TLDC2: variants seen among roughly 807,000 people sequenced by gnomAD.
TLDC2 encodes TBC/LysM-associated domain containing 2.
In TLDC2, 23 loss-of-function variants were observed where a neutral mutation model predicts 27.9. The ratio of observed to expected loss-of-function variants is 0.82; its 90% CI spans 0.59 to 1.17. TLDC2 has a LOEUF of 1.17. Among genes scored for constraint, TLDC2 ranks in the 50% most tolerant of loss-of-function variants. The pLI is 0.00. For missense variants in TLDC2, 286 were observed against 273.4 expected (o/e 1.05, Z -0.32); for synonymous variants, 124 against 107.4 (o/e 1.16, Z -0.96).
At chr20:36,877,242 A>G (rs1353490224) in intron 1 of TLDC2, among the ~76,000 whole-genome samples, 1 of 151,994 alleles carries the variant, frequency 6.6e-6, no homozygotes, top group African/African-American at 2.4e-5. Context: ...TTAGCCAGGC[A>G]TGGTGGTGGG....
chr20:36,876,262 T>A, intron 1 of TLDC2, 55 bp downstream of exon 1: 2 of 1,594,836 alleles, frequency 1.3e-6, no homozygotes, highest in Non-Finnish European at 1.7e-6. Flanking sequence ...GGAGGTGAGG[T>A]CTCTGGCAGG....
intron 2 of TLDC2, 126 bp from the exon 3 acceptor site, chr20:36,878,915 C>G (rs1319753141): frequency 1.4e-6 from 2 of 1,411,912 alleles, no homozygotes; most frequent in African/African-American, 1.4e-5. Flanking sequence ...TCCCTAGAAA[C>G]AGCAAACTGC....
chr20:36,879,262 A>G (rs997859919), intron 3 of TLDC2, 69 bp downstream of exon 3: 1 of 1,526,068 alleles, frequency 6.6e-7, no homozygotes, highest in Non-Finnish European at 8.8e-7. Flanking sequence ...GCCCTGTCCC[A>G]GGGCAGCTCA....
chr20:36,891,931 G>A (rs1052500632), intron 6 of TLDC2: 4 of 152,422 alleles, frequency 2.6e-5, no homozygotes, highest in African/African-American at 7.2e-5. Context: ...TGAGGATGAT[G>A]CCTGTGATGG....
chr20:36,893,940 G>C lies in TLDC2; in HGVS notation c.*1096G>C. 1 of 398,638 alleles carries C rather than the reference G, an allele frequency of 2.5e-6. No individual in the cohort carries two copies. The highest frequency in any genetic ancestry group is 4.4e-6 in the Non-Finnish European group (1 of 226,094). The allele number at this position is 398,638 out of a possible 1,614,324, so 24.7% of individuals were successfully genotyped here. On this transcript the variant is annotated 3_prime_UTR_variant, in exon 7 of 7. Transcript: ENST00000217320. ...GGCTCTGGTGGGAGACTGGAGGTGA[G>C]AAGAGGGCAGAGAAGTCAGGTTTTT...
At chr20:36,876,273 G>A (rs921183114) in intron 1 of TLDC2, 66 bp downstream of exon 1, 1 of 1,606,388 alleles carries the variant, frequency 6.2e-7, no homozygotes, top group Non-Finnish European at 8.5e-7. Flanking sequence ...CTCTGGCAGG[G>A]TGGGGCCTGG....
intron 1 of TLDC2, among the ~76,000 whole-genome samples, chr20:36,876,684 AACACACTCAAATGCACTCAT>A (rs533565444): frequency 1.3e-5 from 2 of 151,616 alleles, no homozygotes; most frequent in Non-Finnish European, 2.9e-5. Flanking sequence ...CACACACTCA[AACACACTCAAATGCACTCAT>A]ACACACTCAA....
chr20:36,887,417 C>T (rs755346152), intron 4 of TLDC2, 38 bp from the exon 5 acceptor site: 13 of 1,582,776 alleles, frequency 8.2e-6, no homozygotes, highest in Admixed American at 1.7e-5. Flanking sequence ...GGGACTCGCT[C>T]GCTTAGTAAC....
chr20:36,880,616 G>A (rs1989791959), intron 3 of TLDC2, 39 bp from the exon 4 acceptor site: 5 of 1,572,322 alleles, frequency 3.2e-6, no homozygotes, highest in Admixed American at 1.7e-5. Flanking sequence ...AGGACCCCTA[G>A]CTCCCTTCCA....
intron 4 of TLDC2, among the ~76,000 whole-genome samples, chr20:36,882,011 G>C (rs371936740): frequency 2.1e-4 from 32 of 152,330 alleles, no homozygotes; most frequent in African/African-American, 7.7e-4. Context: ...GTTTACCAGA[G>C]AGCTGTGAAG....
rs563613276 is a variant in TLDC2 at position 36,876,847 on chromosome 20, A to T, written c.33+640A>T. Among the ~76,000 whole-genome samples the T allele has an allele frequency of 8.5e-5, 13 of 152,290 alleles. 1 individual carries two copies. In the South Asian group the frequency reaches 2.7e-3, roughly 32 times the overall value. Reference sequence around the variant, plus strand: ...ATAATGATGCCCCTTATGGATGTAGATATTTACACCATCACAACTCACACA... The same window carrying T: ...ATAATGATGCCCCTTATGGATGTAGTTATTTACACCATCACAACTCACACA... On this transcript the variant is annotated intron_variant, in intron 1 of 6. Transcript: ENST00000217320.
chr20:36,887,385 T>G (rs1601101568), intron 4 of TLDC2, 70 bp from the exon 5 acceptor site: 2 of 1,391,918 alleles, frequency 1.4e-6, no homozygotes, highest in Non-Finnish European at 2.0e-6. Context: ...CATCCAGTGG[T>G]TCGGGGTCAA....
rs3748459 is a variant in TLDC2, at chr20:36,879,139, G to A, written c.288G>A (p.Arg96=). The A allele has an allele frequency of 0.26, 417,389 of 1,613,882 alleles. 57,539 individuals carry two copies. Among genetic ancestry groups the A allele is most frequent in the African/African-American group, 0.4 (29,744 of 74,950 alleles). The change falls in exon 3 of 7, where the codon CGG becomes CGA. Residue 96 remains arginine, a synonymous_variant. Coordinates refer to ENST00000217320, the MANE Select transcript of TLDC2 (RefSeq NM_080628.3). ...DGFSLQSLYR[R]MEGCSGPVLL... ...TCAGCCTGCAGAGCCTGTACCGGCG[G>A]ATGGAGGGCTGCAGCGGGCCAGTGC...
chr20:36,884,118 A>G (rs1199138277), intron 4 of TLDC2, among the ~76,000 whole-genome samples: 1 of 151,944 alleles, frequency 6.6e-6, no homozygotes, highest in Non-Finnish European at 1.5e-5. Context: ...ACAAACAAAA[A>G]TGGTGGGGGG....
chr20:36,889,332 G>T lies in TLDC2; in HGVS notation c.594G>T (p.Leu198=). The change falls in exon 6 of 7, where the codon CTG becomes CTT. Residue 198 remains leucine, a synonymous_variant. Coordinates refer to ENST00000217320, the MANE Select transcript of TLDC2 (RefSeq NM_080628.3). The part of the protein sequence containing the change: ...SPCPTFNNEV[L]ARQEQFCIQE... ...GCCCGACCTTCAACAACGAGGTGCTGGCCCGGCAGGAGCAGTTCTGCATCC... is the reference window on the plus strand; with the variant it reads ...GCCCGACCTTCAACAACGAGGTGCTTGCCCGGCAGGAGCAGTTCTGCATCC... 1 of 1,614,224 alleles carries T rather than the reference G, an allele frequency of 6.2e-7. No individual in the cohort carries two copies. The highest frequency in any genetic ancestry group is 8.5e-7 in the Non-Finnish European group (1 of 1,180,036).
rs1264880600 is a variant in TLDC2 at position 36,879,130 on chromosome 20, G to GAA, written c.279_280insAA (p.Tyr94AsnfsTer53). The GAA allele has an allele frequency of 6.2e-7, 1 of 1,614,158 alleles. No individual in the cohort carries two copies. Among genetic ancestry groups the GAA allele is most frequent in the Non-Finnish European group, 8.5e-7 (1 of 1,180,026 alleles). On this transcript the variant is annotated frameshift_variant, in exon 3 of 7. Transcript: ENST00000217320. LOFTEE classifies it high-confidence loss of function. Reference sequence around the variant, plus strand: ...GGGACGGTTTCAGCCTGCAGAGCCTGTACCGGCGGATGGAGGGCTGCAGCG... The same window carrying GAA: ...GGGACGGTTTCAGCCTGCAGAGCCTGAATACCGGCGGATGGAGGGCTGCAGCG...
rs906841831 is a variant in TLDC2, at chr20:36,893,401, C to A, written c.*557C>A. ...GTTTTCCCAGGAGAAAGACGGGATGCACTGAACCCCTAGCTTCTCTCTCGC... is the reference window on the plus strand; with the variant it reads ...GTTTTCCCAGGAGAAAGACGGGATGAACTGAACCCCTAGCTTCTCTCTCGC... On this transcript the variant is annotated 3_prime_UTR_variant, in exon 7 of 7. Coordinates refer to ENST00000217320, the MANE Select transcript of TLDC2 (RefSeq NM_080628.3). 3 of 400,582 alleles carry A rather than the reference C, an allele frequency of 7.5e-6. No individual in the cohort carries two copies. In the Admixed American group the frequency reaches 1.2e-4, roughly 16 times the overall value. 24.8% of individuals were successfully genotyped at this position (400,582 alleles called of 1,614,324 possible). A position where few individuals can be genotyped will look rare whatever the true frequency, so the allele number is the denominator to read the frequency against.
chr20:36,890,408 T>TTCTTTCTTTCTC (rs1990039188), intron 6 of TLDC2: 1 of 149,696 alleles, frequency 6.7e-6, no homozygotes, highest in Non-Finnish European at 1.5e-5. Flanking sequence ...CTTTCTTTCT[T>TTCTTTCTTTCTC]TCTTTCTTTC....
intron 2 of TLDC2, 123 bp from the exon 3 acceptor site, chr20:36,878,918 C>T (rs928750166): frequency 7.0e-7 from 1 of 1,437,216 alleles, no homozygotes; most frequent in Non-Finnish European, 9.6e-7. Context: ...CTAGAAACAG[C>T]AAACTGCTCT....
Sources: allele counts gnomAD v4.1 joint callset (sites outside exome capture counted in the v4.1 genomes callset), GRCh38; gene constraint gnomAD v4.1.1; transcripts MANE v1.5; gene names NCBI Gene and HGNC (gene_info 2026-07-23, HGNC 2026-07-21).